The following CPNE9 variants were observed in gnomAD, a reference collection of about 807,000 sequenced individuals.
CPNE9 encodes copine family member 9.
In CPNE9, 59 loss-of-function variants were observed where a neutral mutation model predicts 83.0. The observed-to-expected ratio is 0.71, with a 90% CI of 0.58 to 0.88. CPNE9 has a LOEUF of 0.88. CPNE9 is among the 40% of genes least tolerant of loss of function. The pLI is 0.00. For missense variants in CPNE9, 619 were observed against 720.8 expected, an observed-to-expected ratio of 0.86 and a Z score of 1.62; for synonymous variants, 256 against 273.4, an observed-to-expected ratio of 0.94 and a Z score of 0.63.
chr3:9,710,841 A>G (rs2076620152), intron 7 of CPNE9, among the ~76,000 whole-genome samples: 1 of 152,164 alleles, frequency 6.6e-6, no homozygotes. Flanking sequence ...TCTGGGTAAC[A>G]TAGCCAGACC....
intron 7 of CPNE9, among the ~76,000 whole-genome samples, chr3:9,711,170 C>G (rs2076623130): frequency 6.6e-6 from 1 of 152,116 alleles, no homozygotes; most frequent in Non-Finnish European, 1.5e-5. Flanking sequence ...GCAACAGGAT[C>G]AACAATTTGT....
At chr3:9,722,376 TC>T (rs1228247601) in intron 17 of CPNE9, among the ~76,000 whole-genome samples, 4 of 152,180 alleles carry the variant, frequency 2.6e-5, no homozygotes, top group Non-Finnish European at 1.5e-5. Flanking sequence ...TAGACTGGCC[TC>T]CTCTGGCCAC....
Position 9,704,473 on chromosome 3 carries a change from G to A in CPNE9, c.69-114G>A. The A allele has an allele frequency of 1.1e-6, 1 of 902,268 alleles. No homozygotes were observed. The highest frequency in any genetic ancestry group is 1.9e-6 in the Non-Finnish European group (1 of 532,388). 55.9% of individuals were successfully genotyped at this position (902,268 alleles called of 1,614,324 possible). ...GGACCCCGGCTGGGGGTAGCCATGGGGGACAGAGGTTCGATGCGGGCCCCA... is the reference window on the plus strand; with the variant it reads ...GGACCCCGGCTGGGGGTAGCCATGGAGGACAGAGGTTCGATGCGGGCCCCA... On this transcript the variant is annotated intron_variant, in intron 1 of 20. Transcript: ENST00000383832. This position sits in a 1 kb window ranked among gnomAD's most constrained non-coding sequence, Gnocchi z 7.1.
At chr3:9,710,850 C>T (rs1190554938) in intron 7 of CPNE9, among the ~76,000 whole-genome samples, 1 of 152,016 alleles carries the variant, frequency 6.6e-6, no homozygotes, top group Non-Finnish European at 1.5e-5. Context: ...CATAGCCAGA[C>T]CTTGTCTCTA....
chr3:9,722,177 G>A lies in CPNE9; in HGVS notation c.1241+3575G>A, dbSNP rs553019613. Among the ~76,000 whole-genome samples the A allele has an allele frequency of 2.0e-4, 22 of 108,248 alleles. No homozygotes were observed. The South Asian group carries it at 5.2e-3, about 26-fold the overall frequency. 71.0% of individuals were successfully genotyped at this position (108,248 alleles called of 152,430 possible). On this transcript the variant is annotated intron_variant, in intron 17 of 20. Transcript: ENST00000383832. ...GGTGATCCACCCCCCCCCGCCACCC[G>A]GCCTCCCAAAGTGCTGGGATTACAG... is the stretch of plus-strand genomic sequence containing the variant.
chr3:9,719,217 C>T (rs1255963291), intron 17 of CPNE9, among the ~76,000 whole-genome samples: 2 of 152,072 alleles, frequency 1.3e-5, no homozygotes, highest in African/African-American at 4.8e-5. Flanking sequence ...AAATACTACA[C>T]CATTTTATAT....
chr3:9,729,678 C>G lies in CPNE9; in HGVS notation c.1648C>G (p.Pro550Ala), dbSNP rs1559648426. 5 of 1,613,422 alleles carry G rather than the reference C, an allele frequency of 3.1e-6. No homozygotes were observed. The highest frequency in any genetic ancestry group is 4.2e-6 in the Non-Finnish European group (5 of 1,179,578). The part of the protein sequence containing the change: ...PPANPSPIPA[P>A]EQP ...TGCCAACCCCAGCCCGATCCCAGCT[C>G]CAGAGCAGCCCTGAGGATTCCACAT... Residue 550 changes from proline (P) to alanine (A), a missense_variant, in exon 21 of 21, where the codon CCA (proline) becomes GCA (alanine). Around this residue, in one of 3 missense-constraint regions of CPNE9, gnomAD observed 51 missense variants for 40.4 expected, o/e 1.26. Coordinates refer to ENST00000383832, the MANE Select transcript of CPNE9 (RefSeq NM_153635.3).
chr3:9,707,225 T>C (rs1368628926), intron 7 of CPNE9, among the ~76,000 whole-genome samples: 1 of 151,398 alleles, frequency 6.6e-6, no homozygotes, highest in Admixed American at 6.6e-5. Flanking sequence ...TGGTGGTGGG[T>C]GCCTGTAGTC....
intron 7 of CPNE9, among the ~76,000 whole-genome samples, chr3:9,706,742 C>T (rs918552546): frequency 3.9e-5 from 6 of 152,184 alleles, no homozygotes; most frequent in East Asian, 3.8e-4. Flanking sequence ...TTCAACAGTG[C>T]GGTTGAGCAG....
intron 14 of CPNE9, 68 bp from the exon 15 acceptor site, chr3:9,716,990 C>A: frequency 6.6e-7 from 1 of 1,519,960 alleles, no homozygotes; most frequent in Non-Finnish European, 9.1e-7. Context: ...ATGCACATTA[C>A]TGTTTGAGAA....
chr3:9,717,214 G>A (rs2076692130), intron 15 of CPNE9, 110 bp downstream of exon 15: 2 of 1,205,140 alleles, frequency 1.7e-6, no homozygotes, highest in African/African-American at 1.5e-5. Flanking sequence ...TACCCAAGAA[G>A]CCCAAACTTA....
At chr3:9,726,370 T>C (rs566975983) in intron 18 of CPNE9, among the ~76,000 whole-genome samples, 11 of 152,280 alleles carry the variant, frequency 7.2e-5, no homozygotes, top group Non-Finnish European at 1.5e-4. Context: ...TCTTTTATAA[T>C]GGACAGTAAG....
chr3:9,705,676 C>T, intron 5 of CPNE9, 42 bp from the exon 6 acceptor site: 1 of 1,613,516 alleles, frequency 6.2e-7, no homozygotes, highest in East Asian at 2.2e-5. Flanking sequence ...CCCCTACTCA[C>T]TGTTCCTCTT....
intron 17 of CPNE9, 27 bp downstream of exon 17, chr3:9,718,629 G>A: frequency 6.2e-7 from 1 of 1,607,262 alleles, no homozygotes; most frequent in Admixed American, 1.7e-5. Context: ...GAAGCTGGGG[G>A]AAATGAGGGG....
chr3:9,705,419 TCCCCCACCCAG>T, intron 4 of CPNE9, 34 bp from the exon 5 acceptor site: 1 of 662,642 alleles, frequency 1.5e-6, no homozygotes, highest in Non-Finnish European at 2.7e-6. Flanking sequence ...TTCCACCCTC[TCCCCCACCCAG>T]CCCCACCCCA....
intron 10 of CPNE9, among the ~76,000 whole-genome samples, chr3:9,714,603 A>G (rs2076660712): frequency 6.9e-6 from 1 of 144,218 alleles, no homozygotes; most frequent in Non-Finnish European, 1.5e-5. Context: ...GAATGTGCTG[A>G]GAAAAATGCC....
At chr3:9,707,902 A>G (rs1367339937) in intron 7 of CPNE9, among the ~76,000 whole-genome samples, 1 of 152,184 alleles carries the variant, frequency 6.6e-6, no homozygotes, top group South Asian at 2.1e-4. Flanking sequence ...AATGTTAGAC[A>G]TCCAAGTGGA....
At chr3:9,706,952 A>G (rs468056) in intron 7 of CPNE9, among the ~76,000 whole-genome samples, 44,909 of 152,096 alleles carry the variant, frequency 0.3, 7,084 homozygotes, top group Admixed American at 0.33. Context: ...AGGGCCTTGC[A>G]GCGGACTTCC....
At chr3:9,723,434 T>C (rs2125474406) in intron 17 of CPNE9, among the ~76,000 whole-genome samples, 2 of 151,460 alleles carry the variant, frequency 1.3e-5, no homozygotes, top group East Asian at 1.9e-4. Flanking sequence ...ATTGTGCCAT[T>C]GCACTCCAGC....
Sources: gnomAD v4.1 joint callset for allele counts (sites outside exome capture counted in the v4.1 genomes callset) on GRCh38, gnomAD v4.1.1 for gene constraint, gnomAD v4.1.1 regional missense constraint, Gnocchi (gnomAD v3.1) non-coding constraint, MANE v1.5 for transcripts, NCBI Gene and HGNC (gene_info 2026-07-23, HGNC 2026-07-21) for gene names.